ABCG1: variants seen among roughly 807,000 people sequenced by gnomAD.
ABCG1 encodes the protein ATP binding cassette subfamily G member 1, also known as ATP-binding cassette sub-family G member 1.
ABCG1 carries 29 observed loss-of-function variants against 69.2 expected under a neutral mutation model. That is an observed-to-expected ratio of 0.42 (90% CI 0.31 to 0.57). ABCG1 has a LOEUF of 0.57. Ranked by LOEUF, ABCG1 falls within the 20% of genes least tolerant of loss-of-function variation. The pLI is 0.15. For missense variants in ABCG1, 718 were observed against 898.1 expected (o/e 0.80, Z 2.56); for synonymous variants, 370 against 374.8 (o/e 0.99, Z 0.15).
chr21:42,227,370 A>C (rs1437439422), intron 2 of ABCG1, among the ~76,000 whole-genome samples: 1 of 152,270 alleles, frequency 6.6e-6, no homozygotes, highest in African/African-American at 2.4e-5. Context: ...TGTATCAAGA[A>C]ACCAGGACAC....
At chr21:42,292,503 G>T (rs540544801) in intron 13 of ABCG1, among the ~76,000 whole-genome samples, 1 of 152,132 alleles carries the variant, frequency 6.6e-6, no homozygotes, top group East Asian at 1.9e-4. Flanking sequence ...GGGCACTCAG[G>T]CTCCGCAGGG....
At chr21:42,200,962 G>A (rs2067502053) in intron 1 of ABCG1, among the ~76,000 whole-genome samples, 1 of 152,088 alleles carries the variant, frequency 6.6e-6, no homozygotes, top group Non-Finnish European at 1.5e-5. Context: ...AGGTACATGT[G>A]CAGGATGTGC....
At chr21:42,293,274 A>C in intron 13 of ABCG1, among the ~76,000 whole-genome samples, 2 of 123,452 alleles carry the variant, frequency 1.6e-5, no homozygotes, top group African/African-American at 6.9e-5. Flanking sequence ...CTACACACAT[A>C]CCACACTACA....
upstream of ABCG1, among the ~76,000 whole-genome samples, chr21:42,214,201 T>C (rs963730246): frequency 6.6e-6 from 1 of 152,210 alleles, no homozygotes; most frequent in Non-Finnish European, 1.5e-5. Flanking sequence ...GATTAGTTCA[T>C]GAAGACTTTG....
intron 1 of ABCG1, chr21:42,201,491 G>C (rs1457764614): frequency 1.1e-6 from 1 of 873,732 alleles, no homozygotes; most frequent in African/African-American, 1.7e-5. Flanking sequence ...CCAGGGGTTG[G>C]GGACTTGTCT....
intron 13 of ABCG1, 110 bp from the exon 14 acceptor site, chr21:42,294,432 C>G: frequency 1.2e-6 from 1 of 818,384 alleles, no homozygotes. Flanking sequence ...ATTACCCTGC[C>G]CAGAAGGTGC....
chr21:42,273,282 C>T lies in ABCG1; in HGVS notation c.405-21C>T. The T allele has an allele frequency of 1.2e-6, 2 of 1,606,832 alleles. No homozygotes were observed. Among genetic ancestry groups the T allele is most frequent in the Non-Finnish European group, 1.7e-6 (2 of 1,176,230 alleles). ...GGAGCAGGAGCCCGGCTGACGGCTT[C>T]TCCTGTCCTTGGTTCTGCAGGGAGA... On this transcript the variant is annotated intron_variant, in intron 3 of 14. Transcript: ENST00000398449. The surrounding 1 kb of genome is among the most constrained non-coding windows in gnomAD (Gnocchi z 5.3).
chr21:42,275,122 C>T (rs2068687309), intron 4 of ABCG1, among the ~76,000 whole-genome samples: 1 of 152,166 alleles, frequency 6.6e-6, no homozygotes, highest in Non-Finnish European at 1.5e-5. Flanking sequence ...CCCATGGTGT[C>T]TGAGAGTGGC....
In ABCG1 at chr21:42,206,261, A is replaced by T. The variant is rs528822900; in HGVS notation, c.48+4538A>T. On this transcript the variant is annotated intron_variant, in intron 2 of 15. Coordinates refer to the ABCG1 transcript ENST00000398457. Reference sequence around the variant, plus strand: ...GCTACTCAGGAGGCTGAGACATGAGAATCACTTGAGCCCGGGAGGTGGAGG... The same window carrying T: ...GCTACTCAGGAGGCTGAGACATGAGTATCACTTGAGCCCGGGAGGTGGAGG... 1.1e-4 allele frequency among the ~76,000 whole-genome samples: 16 copies of T among 152,208 alleles called. No individual in the cohort carries two copies. The East Asian group carries it at 2.1e-3, about 20-fold the overall frequency.
intron 2 of ABCG1, among the ~76,000 whole-genome samples, chr21:42,257,368 G>A (rs1011492284): frequency 6.6e-6 from 1 of 152,240 alleles, no homozygotes; most frequent in Admixed American, 6.5e-5. Flanking sequence ...AGCCTCTGCA[G>A]CATCTGGCCT....
intron 6 of ABCG1, among the ~76,000 whole-genome samples, chr21:42,283,548 G>GCCCC (rs1220259872): frequency 2.6e-5 from 4 of 152,156 alleles, no homozygotes; most frequent in Admixed American, 2.6e-4. Context: ...ATGGGGTGAT[G>GCCCC]CCCCCATCGC....
In ABCG1 at chr21:42,296,276, C is replaced by T. The variant is rs1191953526; in HGVS notation, c.1885C>T (p.Leu629=). The change falls in exon 15 of 15, where the codon CTG becomes TTG. Residue 629 remains leucine, a synonymous_variant. Transcript: ENST00000398449. The surrounding 1 kb of genome is among the most constrained non-coding windows in gnomAD (Gnocchi z 5.4). ...FQKSEAILRE[L]DVENAKLYLD... is the part of the protein sequence containing the mutation. The stretch of plus-strand genomic sequence containing the variant: ...GAAGTCGGAGGCCATCCTGCGGGAG[C>T]TGGACGTGGAAAATGCCAAGCTGTA... 2 of 1,614,052 alleles carry T rather than the reference C, an allele frequency of 1.2e-6. No homozygotes were observed. The highest frequency in any genetic ancestry group is 2.7e-5 in the African/African-American group (2 of 74,924).
chr21:42,284,637 G>A lies in ABCG1; in HGVS notation c.812G>A (p.Cys271Tyr). The A allele has an allele frequency of 1.2e-6, 2 of 1,613,956 alleles. No individual in the cohort carries two copies. Among genetic ancestry groups the A allele is most frequent in the Non-Finnish European group, 1.7e-6 (2 of 1,180,028 alleles). ...GCTCAAGGGGGTCGCTCCATCATTT[G>A]CACCATCCACCAGCCCAGCGCCAAA... ...GLAQGGRSII[C>Y]TIHQPSAKLF... is the part of the protein sequence containing the mutation. Residue 271 changes from cysteine (C) to tyrosine (Y), a missense_variant, in exon 7 of 15, where the codon TGC (cysteine) becomes TAC (tyrosine). Around this residue, in one of 2 missense-constraint regions of ABCG1, gnomAD observed 514 missense variants for 574.3 expected, o/e 0.90. Transcript: ENST00000398449.
chr21:42,220,124 A>T (rs940551275), intron 1 of ABCG1: 4 of 1,345,968 alleles, frequency 3.0e-6, no homozygotes, highest in Admixed American at 2.1e-5. Flanking sequence ...CAAACCAATC[A>T]TCAGGCCCCC....
Position 42,291,739 on chromosome 21 carries a change from A to C in ABCG1, c.1653+83A>C. ...TTGGCCTGAGCTAGGGGGCTCTGCCACCCCTTCCCCTACTTCTGCCCTGAC... is the reference window on the plus strand; with the variant it reads ...TTGGCCTGAGCTAGGGGGCTCTGCCCCCCCTTCCCCTACTTCTGCCCTGAC... On this transcript the variant is annotated intron_variant, in intron 13 of 14. Coordinates refer to ENST00000398449, the MANE Select transcript of ABCG1 (RefSeq NM_016818.3). This position sits in a 1 kb window ranked among gnomAD's most constrained non-coding sequence, Gnocchi z 6.4. The C allele has an allele frequency of 6.3e-6, 9 of 1,428,816 alleles. No individual in the cohort carries two copies. 88.5% of individuals were successfully genotyped at this position (1,428,816 alleles called of 1,614,324 possible). A position where few individuals can be genotyped will look rare whatever the true frequency, so the allele number is the denominator to read the frequency against.
chr21:42,296,111 C>A lies in ABCG1; in HGVS notation c.1773-53C>A. 7 of 1,499,712 alleles carry A rather than the reference C, an allele frequency of 4.7e-6. No individual in the cohort carries two copies. In the South Asian group the frequency reaches 6.8e-5, roughly 15 times the overall value. The allele number at this position is 1,499,712 out of a possible 1,614,324, so 92.9% of individuals were successfully genotyped here. A position where few individuals can be genotyped will look rare whatever the true frequency, so the allele number is the denominator to read the frequency against. ...GTGAACGACATTGACCTTCAGCCAACGGCGTGGCTGGCTGGGAGAACGTCC... is the reference window on the plus strand; with the variant it reads ...GTGAACGACATTGACCTTCAGCCAAAGGCGTGGCTGGCTGGGAGAACGTCC... On this transcript the variant is annotated intron_variant, in intron 14 of 14. Transcript: ENST00000398449. The surrounding 1 kb of genome is among the most constrained non-coding windows in gnomAD (Gnocchi z 5.4).
upstream of ABCG1, among the ~76,000 whole-genome samples, chr21:42,216,607 G>A (rs1454833072): frequency 6.6e-6 from 1 of 152,194 alleles, no homozygotes; most frequent in Non-Finnish European, 1.5e-5. Flanking sequence ...TGCCAGAGGG[G>A]AGACCACCTG....
upstream of ABCG1, among the ~76,000 whole-genome samples, chr21:42,211,540 C>A (rs1277827134): frequency 6.6e-6 from 1 of 151,982 alleles, no homozygotes; most frequent in Non-Finnish European, 1.5e-5. Flanking sequence ...GTATCCTCCC[C>A]AAATTCATAT....
exon 1 of ABCG1, chr21:42,199,765 A>C (rs1442244621): frequency 1.3e-5 from 2 of 152,208 alleles, no homozygotes; most frequent in Non-Finnish European, 2.9e-5. Flanking sequence ...TGTCCCACTT[A>C]AGGGAGTTTC....
Sources: allele counts gnomAD v4.1 joint callset (sites outside exome capture counted in the v4.1 genomes callset), GRCh38; gene constraint gnomAD v4.1.1; regional missense constraint gnomAD v4.1.1; non-coding constraint Gnocchi (gnomAD v3.1); transcripts MANE v1.5; gene names NCBI Gene and HGNC (gene_info 2026-07-23, HGNC 2026-07-21).